The following CNTNAP2 variants were observed in gnomAD, a reference collection of about 807,000 sequenced individuals.
CNTNAP2 encodes the protein contactin-associated protein-like 2.
A neutral mutation model predicts 155.2 loss-of-function variants in CNTNAP2; 98 were observed. The observed-to-expected ratio is 0.63, with a 90% CI of 0.54 to 0.75. The LOEUF is 0.75. Among genes scored for constraint, CNTNAP2 ranks in the 30% least tolerant of loss-of-function variants. CNTNAP2 has a pLI of 0.00. For synonymous variants in CNTNAP2, 651 were observed against 631.2 expected, an observed-to-expected ratio of 1.03 and a Z score of -0.47; for missense variants, 1,727 against 1,688.1, an observed-to-expected ratio of 1.02 and a Z score of -0.40.
chr7:147,568,884 C>G (rs1800228008), intron 12 of CNTNAP2, among the ~76,000 whole-genome samples: 1 of 152,162 alleles, frequency 6.6e-6, no homozygotes, highest in Admixed American at 6.5e-5. Flanking sequence ...ACTTTACTGT[C>G]TATCCTTAAA....
At chr7:146,254,129 GCACACACACACACACACA>G (rs3050025) in intron 1 of CNTNAP2, among the ~76,000 whole-genome samples, 3 of 144,976 alleles carry the variant, frequency 2.1e-5, no homozygotes, top group South Asian at 4.4e-4. Flanking sequence ...ATTGCTACTT[GCACACACACACACACACA>G]CACACACACA....
chr7:148,075,560 C>G (rs777991285), intron 15 of CNTNAP2, among the ~76,000 whole-genome samples: 4 of 152,126 alleles, frequency 2.6e-5, no homozygotes, highest in African/African-American at 4.8e-5. Context: ...TAAGAGAGTC[C>G]TGCAGGGCAC....
chr7:146,140,046 C>A (rs545436215), intron 1 of CNTNAP2, among the ~76,000 whole-genome samples: 36 of 152,260 alleles, frequency 2.4e-4, no homozygotes, highest in Admixed American at 2.2e-3. Flanking sequence ...CTGACTTGAT[C>A]AAATGTAACA....
rs569414827 is a variant in CNTNAP2 at position 146,917,010 on chromosome 7, C to T, written c.402+77106C>T. On this transcript the variant is annotated intron_variant, in intron 3 of 23. Coordinates refer to ENST00000361727, the MANE Select transcript of CNTNAP2 (RefSeq NM_014141.6). ...TTGCTGTATCTCAGAGGTTTTGATA[C>T]GTTGTGTCACTATTATCATTCAGTT... is the stretch of plus-strand genomic sequence containing the variant. Among the ~76,000 whole-genome samples, 122 of 152,126 alleles carry T rather than the reference C, an allele frequency of 8.0e-4. 1 individual carries two copies. In the Middle Eastern group the frequency reaches 0.01, roughly 13 times the overall value.
chr7:146,949,341 T>C (rs926031916), intron 3 of CNTNAP2, among the ~76,000 whole-genome samples: 2 of 152,232 alleles, frequency 1.3e-5, no homozygotes, highest in African/African-American at 2.4e-5. Context: ...CCAGCAGTCT[T>C]ATCCCCTGAT....
Position 148,182,356 on chromosome 7 carries a change from C to A in CNTNAP2, c.3010+9878C>A, listed in dbSNP as rs947714147. ...TTTAGATTGCTCACATGTTTGGCTG[C>A]CCTGCAAGCAGGTCCATTCACCAAC... On this transcript the variant is annotated intron_variant, in intron 18 of 23. Coordinates refer to ENST00000361727, the MANE Select transcript of CNTNAP2 (RefSeq NM_014141.6). Among the ~76,000 whole-genome samples, 11 of 54,460 alleles carry A rather than the reference C, an allele frequency of 2.0e-4. No homozygotes were observed. In the South Asian group the frequency reaches 6.4e-3, roughly 32 times the overall value. The allele number at this position is 54,460 out of a possible 152,430, so 35.7% of individuals were successfully genotyped here.
chr7:146,383,699 TTTG>T (rs1795421960), intron 1 of CNTNAP2, among the ~76,000 whole-genome samples: 1 of 152,174 alleles, frequency 6.6e-6, no homozygotes, highest in Admixed American at 6.5e-5. Flanking sequence ...TTTTATTAGT[TTTG>T]TTTTTATAAT....
intron 13 of CNTNAP2, among the ~76,000 whole-genome samples, chr7:147,885,530 C>T (rs1040599626): frequency 2.0e-5 from 3 of 152,144 alleles, no homozygotes; most frequent in African/African-American, 7.2e-5. Flanking sequence ...GCCACCCCGC[C>T]CCATCTTGCA....
chr7:148,375,588 T>A (rs1256998952), intron 21 of CNTNAP2, among the ~76,000 whole-genome samples: 2 of 150,790 alleles, frequency 1.3e-5, no homozygotes, highest in Non-Finnish European at 3.0e-5. Flanking sequence ...CTCAAACTCC[T>A]GACCTCGTGA....
chr7:147,721,109 G>A (rs1796560558), intron 13 of CNTNAP2, among the ~76,000 whole-genome samples: 1 of 152,088 alleles, frequency 6.6e-6, no homozygotes, highest in Admixed American at 6.6e-5. Context: ...TGTCTTACCT[G>A]AAATAGAATC....
At chr7:148,277,444 G>C (rs1030537321) in intron 21 of CNTNAP2, among the ~76,000 whole-genome samples, 1 of 152,054 alleles carries the variant, frequency 6.6e-6, no homozygotes, top group Non-Finnish European at 1.5e-5. Context: ...GCAGGTTGTC[G>C]TCAGCTATCA....
intron 7 of CNTNAP2, among the ~76,000 whole-genome samples, chr7:147,131,285 T>G (rs769763330): frequency 2.6e-5 from 4 of 151,038 alleles, no homozygotes; most frequent in East Asian, 1.9e-4. Context: ...TAAAAATATA[T>G]AGAGAAAAAG....
intron 8 of CNTNAP2, among the ~76,000 whole-genome samples, chr7:147,223,939 CAAAAA>C: frequency 2.2e-5 from 1 of 45,816 alleles, no homozygotes; most frequent in East Asian, 6.1e-4. Flanking sequence ...GACTCAATCT[CAAAAA>C]AAAAAAAAAA....
At chr7:146,906,027 A>G (rs2129215028) in intron 3 of CNTNAP2, among the ~76,000 whole-genome samples, 1 of 152,336 alleles carries the variant, frequency 6.6e-6, no homozygotes, top group Admixed American at 6.5e-5. Flanking sequence ...TTTCCGAGTC[A>G]AAGAAAGGGG....
At chr7:147,639,481 A>G (rs1795240102) in intron 13 of CNTNAP2, among the ~76,000 whole-genome samples, 175 bp downstream of exon 13, 1 of 151,844 alleles carries the variant, frequency 6.6e-6, no homozygotes, top group African/African-American at 2.4e-5. Flanking sequence ...GAAGCTAAGA[A>G]AGAATGATTT....
At chr7:148,040,648 A>G (rs1408374267) in intron 15 of CNTNAP2, among the ~76,000 whole-genome samples, 1 of 152,268 alleles carries the variant, frequency 6.6e-6, no homozygotes, top group Admixed American at 6.5e-5. Context: ...GCACATACAC[A>G]AACACACACA....
chr7:148,194,436 G>T (rs1184072652), intron 18 of CNTNAP2, among the ~76,000 whole-genome samples: 1 of 151,888 alleles, frequency 6.6e-6, no homozygotes, highest in Non-Finnish European at 1.5e-5. Context: ...CAATTATCTT[G>T]TCAGGTCCTT....
intron 2 of CNTNAP2, among the ~76,000 whole-genome samples, chr7:146,803,178 C>G (rs921445063): frequency 6.6e-6 from 1 of 151,800 alleles, no homozygotes; most frequent in African/African-American, 2.4e-5. Context: ...GTCTAAAACA[C>G]CTAAAAGTAA....
intron 3 of CNTNAP2, among the ~76,000 whole-genome samples, chr7:146,917,835 G>T (rs1796424950): frequency 6.6e-6 from 1 of 152,120 alleles, no homozygotes; most frequent in Non-Finnish European, 1.5e-5. Context: ...CACCATGATT[G>T]TGAGGCCTCT....
Sources: gnomAD v4.1 joint callset for allele counts (sites outside exome capture counted in the v4.1 genomes callset) on GRCh38, gnomAD v4.1.1 for gene constraint, MANE v1.5 for transcripts, NCBI Gene and HGNC (gene_info 2026-07-23, HGNC 2026-07-21) for gene names.